Variants in EPS15 observed in about 807,000 individuals in gnomAD.
The protein encoded by EPS15 is epidermal growth factor receptor substrate 15.
A neutral mutation model predicts 113.8 loss-of-function variants in EPS15; 72 were observed. The ratio of observed to expected loss-of-function variants is 0.63; its 90% confidence interval spans 0.52 to 0.77. EPS15 has a LOEUF of 0.77. EPS15 is among the 30% of genes least tolerant of loss of function. EPS15 has a pLI of 0.00. For missense variants in EPS15, 1,048 were observed against 1,045.8 expected, an observed-to-expected ratio of 1.00 and a Z score of -0.03; for synonymous variants, 344 against 363.4, an observed-to-expected ratio of 0.95 and a Z score of 0.61.
intron 1 of EPS15, among the ~76,000 whole-genome samples, chr1:51,484,579 G>A (rs72691871): frequency 0.03 from 4,576 of 152,192 alleles, 76 homozygotes; most frequent in African/African-American, 0.05. Flanking sequence ...ATAAACAAGT[G>A]ATGAAATCTG....
chr1:51,379,429 A>G (rs1332982201), intron 21 of EPS15, among the ~76,000 whole-genome samples: 2 of 152,074 alleles, frequency 1.3e-5, no homozygotes, highest in Non-Finnish European at 2.9e-5. Context: ...CAGGATCCTC[A>G]ATAAAATTAT....
In EPS15 at chr1:51,408,279, G is replaced by C. The variant is rs1065754; in HGVS notation, c.1329C>G (p.Tyr443Ter). The C allele has an allele frequency of 6.2e-7, 1 of 1,613,500 alleles. No individual in the cohort carries two copies. The highest frequency in any genetic ancestry group is 8.5e-7 in the Non-Finnish European group (1 of 1,179,522). Residue 443 changes from tyrosine (Y) to a stop codon, truncating the protein, a stop_gained, in exon 15 of 25, where the codon TAC (tyrosine) becomes TAG (stop). Coordinates refer to ENST00000371733, the MANE Select transcript of EPS15 (RefSeq NM_001981.3). LOFTEE classifies it high-confidence loss of function. Reference sequence around the variant, plus strand: ...CTCTAGCTTTTGCCAATTCTTCTTCGTAAGTGGAGATCTGCGATTCCTGAC... The same window carrying C: ...CTCTAGCTTTTGCCAATTCTTCTTCCTAAGTGGAGATCTGCGATTCCTGAC... ...LTSQESQIST[Y>*]EEELAKAREE...
chr1:51,505,527 A>G, intron 1 of EPS15, among the ~76,000 whole-genome samples: 1 of 152,128 alleles, frequency 6.6e-6, no homozygotes, highest in Non-Finnish European at 1.5e-5. Context: ...AGCATGCAAT[A>G]TGGGAGGGTG....
intron 12 of EPS15, among the ~76,000 whole-genome samples, chr1:51,439,689 A>T (rs1200922259): frequency 1.3e-5 from 2 of 152,086 alleles, no homozygotes; most frequent in Non-Finnish European, 2.9e-5. Flanking sequence ...TCTACATAGT[A>T]CCTATGTATA....
chr1:51,457,684 A>T (rs1267992578), intron 8 of EPS15: 2 of 152,070 alleles, frequency 1.3e-5, no homozygotes, highest in Non-Finnish European at 2.9e-5. Context: ...AAAAGTTTTG[A>T]CTGTAACTTA....
At chr1:51,508,611 C>T (rs1309079652) in intron 1 of EPS15, among the ~76,000 whole-genome samples, 2 of 152,160 alleles carry the variant, frequency 1.3e-5, no homozygotes, top group African/African-American at 4.8e-5. Context: ...CTTCCCACTA[C>T]GTAAAACTTC....
At chr1:51,369,707 T>C (rs1646601911) in intron 21 of EPS15, among the ~76,000 whole-genome samples, 1 of 152,192 alleles carries the variant, frequency 6.6e-6, no homozygotes, top group Non-Finnish European at 1.5e-5. Context: ...ATGAAAAAGC[T>C]ACATTTTAGG....
intron 2 of EPS15, among the ~76,000 whole-genome samples, chr1:51,473,452 G>C (rs377387191): frequency 5.3e-4 from 81 of 152,282 alleles, no homozygotes; most frequent in African/African-American, 1.8e-3. Context: ...TCTAAAACCA[G>C]CAGTGATTCC....
intron 12 of EPS15, among the ~76,000 whole-genome samples, chr1:51,427,447 T>C (rs1304725971): frequency 6.6e-6 from 1 of 152,118 alleles, no homozygotes; most frequent in Non-Finnish European, 1.5e-5. Flanking sequence ...AACACACACC[T>C]GGTGTGAGGG....
chr1:51,410,935 A>C (rs955943258), intron 13 of EPS15, among the ~76,000 whole-genome samples: 2 of 152,210 alleles, frequency 1.3e-5, no homozygotes, highest in South Asian at 2.1e-4. Flanking sequence ...TCTACGAGTT[A>C]GGTACTGATA....
chr1:51,480,553 T>C (rs371067077), intron 2 of EPS15, among the ~76,000 whole-genome samples: 16 of 152,340 alleles, frequency 1.1e-4, no homozygotes, highest in African/African-American at 3.8e-4. Context: ...TCACTCTTTT[T>C]GCACAAGCTG....
intron 1 of EPS15, among the ~76,000 whole-genome samples, chr1:51,493,391 G>C (rs990735651): frequency 1.3e-5 from 2 of 149,616 alleles, no homozygotes; most frequent in African/African-American, 4.9e-5. Context: ...CAGGCGTGGT[G>C]GTGGGCGCCT....
At chr1:51,456,443 T>A (rs1323985460) in intron 8 of EPS15, among the ~76,000 whole-genome samples, 1 of 152,092 alleles carries the variant, frequency 6.6e-6, no homozygotes, top group Non-Finnish European at 1.5e-5. Context: ...AACAAAAAGA[T>A]TCCTATGTTC....
At chr1:51,510,252 T>A (rs767932334) in intron 1 of EPS15, among the ~76,000 whole-genome samples, 2 of 152,170 alleles carry the variant, frequency 1.3e-5, no homozygotes, top group Non-Finnish European at 2.9e-5. Context: ...AATAGAGGAA[T>A]GTAAGATCAC....
intron 24 of EPS15, among the ~76,000 whole-genome samples, chr1:51,357,615 T>C (rs1047817035): frequency 6.8e-6 from 1 of 147,464 alleles, no homozygotes; most frequent in Non-Finnish European, 1.5e-5. Context: ...TTAATCCCAC[T>C]GGTAGTTTCC....
intron 21 of EPS15, among the ~76,000 whole-genome samples, chr1:51,389,977 T>C (rs1464483368): frequency 6.6e-6 from 1 of 152,128 alleles, no homozygotes; most frequent in Admixed American, 6.5e-5. Flanking sequence ...TTAAAATTCA[T>C]ATGGAACCAA....
chr1:51,383,915 A>G (rs1201536297), intron 21 of EPS15, among the ~76,000 whole-genome samples: 1 of 152,228 alleles, frequency 6.6e-6, no homozygotes, highest in Non-Finnish European at 1.5e-5. Flanking sequence ...AAATCAACAT[A>G]TGAAAATCAG....
At chr1:51,452,938 A>T (rs1032374816) in intron 8 of EPS15, among the ~76,000 whole-genome samples, 1 of 152,220 alleles carries the variant, frequency 6.6e-6, no homozygotes, top group Non-Finnish European at 1.5e-5. Flanking sequence ...TGCATTTTTA[A>T]CAAGTTCCCG....
chr1:51,437,310 A>C (rs946398785), intron 12 of EPS15, among the ~76,000 whole-genome samples: 3 of 152,142 alleles, frequency 2.0e-5, no homozygotes, highest in African/African-American at 7.2e-5. Flanking sequence ...TATGATTCTA[A>C]GAAATATATT....
Sources: gnomAD v4.1 joint callset for allele counts (sites outside exome capture counted in the v4.1 genomes callset) on GRCh38, gnomAD v4.1.1 for gene constraint, MANE v1.5 for transcripts, NCBI Gene and HGNC (gene_info 2026-07-23, HGNC 2026-07-21) for gene names.